ANO5: variants seen among roughly 807,000 people sequenced by gnomAD.
ANO5 encodes the protein anoctamin-5.
In ANO5, 109 loss-of-function variants were observed where a neutral mutation model predicts 121.0. The observed-to-expected ratio is 0.90, with a 90% confidence interval of 0.77 to 1.06. The LOEUF is 1.06. Ranked by LOEUF, ANO5 falls within the 50% of genes least tolerant of loss-of-function variation. The pLI is 0.00. For synonymous variants in ANO5, 406 were observed against 359.9 expected (o/e 1.13, Z -1.45); for missense variants, 1,064 against 1,078.5 (o/e 0.99, Z 0.19).
In ANO5 at chr11:22,281,684, A is replaced by T. The variant is rs1226336452; in HGVS notation, c.*1919A>T. 6.6e-6 allele frequency: 1 copy of T among 152,090 alleles called. No homozygotes were observed. 9.4% of individuals were successfully genotyped at this position (152,090 alleles called of 1,614,324 possible). A position where few individuals can be genotyped will look rare whatever the true frequency, so the allele number is the denominator to read the frequency against. ...AAGAGCATGGAAATTGGTTTCTTGA[A>T]TATAAGCTTTAATTTTTAAGGCTTA... is the stretch of plus-strand genomic sequence containing the variant. On this transcript the variant is annotated 3_prime_UTR_variant, in exon 22 of 22. Coordinates refer to ENST00000324559, the MANE Select transcript of ANO5 (RefSeq NM_213599.3).
rs532585102 is a variant in ANO5 at position 22,270,577 on chromosome 11, AG to A, written c.2029+138del. The A allele has an allele frequency of 2.6e-4, 334 of 1,279,976 alleles. 1 individual carries two copies. In the African/African-American group the frequency reaches 4.6e-3, roughly 18 times the overall value. 79.3% of individuals were successfully genotyped at this position (1,279,976 alleles called of 1,614,324 possible). A position where few individuals can be genotyped will look rare whatever the true frequency, so the allele number is the denominator to read the frequency against. ...ACTGGTTGGCAAAAAAGATGAGTGGAGGGATATAAAGAAAATTTGTTCCCTA... is the reference window on the plus strand; with the variant it reads ...ACTGGTTGGCAAAAAAGATGAGTGGAGGATATAAAGAAAATTTGTTCCCTA... On this transcript the variant is annotated intron_variant, in intron 18 of 21. Coordinates refer to ENST00000324559, the MANE Select transcript of ANO5 (RefSeq NM_213599.3).
intron 18 of ANO5, among the ~76,000 whole-genome samples, chr11:22,270,644 C>T (rs1279372195): frequency 6.6e-6 from 1 of 152,150 alleles, no homozygotes; most frequent in East Asian, 1.9e-4. Flanking sequence ...TAAAGTTTAG[C>T]TTCAAAACAC....
rs1040542680 is a variant in ANO5 at position 22,193,248 on chromosome 11, A to T, written c.-245A>T. ...AAGCGCGCGAAGCAGGTTGTGGGGG[A>T]CCGGGTCGAGTGGAAGTACCCGCCG... On this transcript the variant is annotated 5_prime_UTR_variant, in exon 1 of 22. Transcript: ENST00000324559. The T allele has an allele frequency of 1.8e-6, 2 of 1,130,518 alleles. No homozygotes were observed. Among genetic ancestry groups the T allele is most frequent in the African/African-American group, 3.5e-5 (2 of 56,688 alleles). The allele number at this position is 1,130,518 out of a possible 1,614,324, so 70.0% of individuals were successfully genotyped here.
At chr11:22,262,700 A>G (rs1229373355) in intron 16 of ANO5, among the ~76,000 whole-genome samples, 2 of 152,028 alleles carry the variant, frequency 1.3e-5, no homozygotes, top group Admixed American at 1.3e-4. Context: ...GATATAAAGA[A>G]CTCAGAATTT....
chr11:22,204,990 T>C (rs571436414), intron 2 of ANO5, among the ~76,000 whole-genome samples: 1 of 152,242 alleles, frequency 6.6e-6, no homozygotes, highest in East Asian at 1.9e-4. Context: ...ATGTGATACA[T>C]ATATATCATA....
chr11:22,218,392 C>T, intron 4 of ANO5, 105 bp downstream of exon 4: 1 of 1,433,934 alleles, frequency 7.0e-7, no homozygotes, highest in South Asian at 1.2e-5. Context: ...AACATTGTCA[C>T]TAATTCCTAG....
chr11:22,265,900 A>C (rs1320534991), intron 17 of ANO5, among the ~76,000 whole-genome samples: 1 of 152,202 alleles, frequency 6.6e-6, no homozygotes, highest in Non-Finnish European at 1.5e-5. Flanking sequence ...ATATAAACTA[A>C]TGGAATGGAG....
At chr11:22,275,154 AGAGT>A (rs1295419938) in intron 20 of ANO5, among the ~76,000 whole-genome samples, 1 of 151,998 alleles carries the variant, frequency 6.6e-6, no homozygotes, top group Non-Finnish European at 1.5e-5. Flanking sequence ...CTCAGAAAAG[AGAGT>A]GAGACAGTGA....
Position 22,279,998 on chromosome 11 carries a change from GTGC to G in ANO5, c.*236_*238del. ...CCCTCTCCAGATGTTGTTTTCTGAGGTGCTGTAAATGACTGTTGAAAGTGCAGG... is the reference window on the plus strand; with the variant it reads ...CCCTCTCCAGATGTTGTTTTCTGAGGTGTAAATGACTGTTGAAAGTGCAGG... On this transcript the variant is annotated 3_prime_UTR_variant, in exon 22 of 22. Transcript: ENST00000324559. 1 of 522,388 alleles carries G rather than the reference GTGC, an allele frequency of 1.9e-6. No individual in the cohort carries two copies. Among genetic ancestry groups the G allele is most frequent in the Middle Eastern group, 5.2e-4 (1 of 1,938 alleles). 32.4% of individuals were successfully genotyped at this position (522,388 alleles called of 1,614,324 possible).
chr11:22,245,693 T>C (rs1228549659), intron 9 of ANO5, among the ~76,000 whole-genome samples: 1 of 152,192 alleles, frequency 6.6e-6, no homozygotes, highest in Non-Finnish European at 1.5e-5. Context: ...TTGTTTTTAA[T>C]TTATAAACAG....
chr11:22,193,573 G>C, intron 1 of ANO5, 41 bp downstream of exon 1: 1 of 1,602,042 alleles, frequency 6.2e-7, no homozygotes. Context: ...AGCCAGGCTG[G>C]CTGCCTGCAC....
chr11:22,215,493 C>A (rs1301939744), intron 3 of ANO5, among the ~76,000 whole-genome samples: 4 of 151,922 alleles, frequency 2.6e-5, no homozygotes, highest in African/African-American at 9.7e-5. Flanking sequence ...TTCTCCTCAA[C>A]TTCACTTTTA....
intron 9 of ANO5, among the ~76,000 whole-genome samples, chr11:22,247,385 T>C (rs901959422): frequency 6.6e-6 from 1 of 152,076 alleles, no homozygotes; most frequent in Non-Finnish European, 1.5e-5. Flanking sequence ...CATCATTTTA[T>C]TGGAAACAAA....
chr11:22,221,593 C>A (rs1211539103), intron 5 of ANO5, among the ~76,000 whole-genome samples: 1 of 151,796 alleles, frequency 6.6e-6, no homozygotes, highest in Non-Finnish European at 1.5e-5. Flanking sequence ...TTATATTGTA[C>A]TCTATTCCTG....
At chr11:22,196,698 A>C (rs1251495254) in intron 1 of ANO5, among the ~76,000 whole-genome samples, 3 of 152,040 alleles carry the variant, frequency 2.0e-5, no homozygotes, top group South Asian at 4.2e-4. Context: ...GTGAAACCCC[A>C]TCTCTACTAA....
At chr11:22,200,332 T>A (rs1412050080) in intron 1 of ANO5, among the ~76,000 whole-genome samples, 1 of 152,178 alleles carries the variant, frequency 6.6e-6, no homozygotes, top group Non-Finnish European at 1.5e-5. Flanking sequence ...TGTTTTCCCA[T>A]CATACTTTCA....
At chr11:22,269,554 A>G (rs1407623181) in intron 17 of ANO5, among the ~76,000 whole-genome samples, 1 of 145,652 alleles carries the variant, frequency 6.9e-6, no homozygotes, top group Non-Finnish European at 1.5e-5. Flanking sequence ...GGAAGGAAAG[A>G]AAAAAAGAAA....
At chr11:22,269,424 AGAAGG>A (rs1437764887) in intron 17 of ANO5, among the ~76,000 whole-genome samples, 3 of 148,546 alleles carry the variant, frequency 2.0e-5, no homozygotes, top group African/African-American at 5.0e-5. Context: ...GAAGGAAAAG[AGAAGG>A]GAAGGGAAGA....
chr11:22,259,568 C>A lies in ANO5; in HGVS notation c.1457C>A (p.Ser486Ter). ...GTAGCTGTAATTGTGTACCGCCTGTCAGTCTTTGCTACATTTGCTAGTTTC... is the reference window on the plus strand; with the variant it reads ...GTAGCTGTAATTGTGTACCGCCTGTAAGTCTTTGCTACATTTGCTAGTTTC... ...SMVAVIVYRL[S>*]VFATFASFME... The change falls in exon 15 of 22, where the codon TCA (serine) becomes TAA (stop). Residue 486 changes from serine to a stop codon, truncating the protein, a stop_gained. Coordinates refer to ENST00000324559, the MANE Select transcript of ANO5 (RefSeq NM_213599.3). LOFTEE classifies it high-confidence loss of function. The A allele has an allele frequency of 6.2e-7, 1 of 1,614,136 alleles. No homozygotes were observed. The highest frequency in any genetic ancestry group is 8.5e-7 in the Non-Finnish European group (1 of 1,180,012).
Sources: gnomAD v4.1 joint callset for allele counts (sites outside exome capture counted in the v4.1 genomes callset) on GRCh38, gnomAD v4.1.1 for gene constraint, MANE v1.5 for transcripts, NCBI Gene and HGNC (gene_info 2026-07-23, HGNC 2026-07-21) for gene names.